HIBADH: variants seen among roughly 807,000 people sequenced by gnomAD.
The protein encoded by HIBADH is 3-hydroxyisobutyrate dehydrogenase.
A neutral mutation model predicts 36.1 loss-of-function variants in HIBADH; 25 were observed. The ratio of observed to expected loss-of-function variants is 0.69; its 90% confidence interval spans 0.50 to 0.97. The LOEUF (loss-of-function observed/expected upper bound fraction) is 0.97. Among genes scored for constraint, HIBADH ranks in the 50% least tolerant of loss-of-function variants. The probability of loss-of-function intolerance (pLI) is 0.00; values close to 1 mark genes in which losing one functional copy is unlikely to be tolerated. For synonymous variants in HIBADH, 160 were observed against 149.5 expected, an observed-to-expected ratio of 1.07 and a Z score of -0.51; for missense variants, 421 against 418.0, an observed-to-expected ratio of 1.01 and a Z score of -0.06.
Position 27,629,262 on chromosome 7 carries a change from T to C in HIBADH, c.484+109A>G. The C allele has an allele frequency of 3.7e-6, 4 of 1,067,056 alleles. No individual in the cohort carries two copies. In the South Asian group the frequency reaches 6.5e-5, roughly 17 times the overall value. The allele number at this position is 1,067,056 out of a possible 1,614,324, so 66.1% of individuals were successfully genotyped here. ...TTGGCTTTATTTTTAATGAGAATCCTGTAACAAGTCTAAAAATAACTACTA... is the reference window on the plus strand; with the variant it reads ...TTGGCTTTATTTTTAATGAGAATCCCGTAACAAGTCTAAAAATAACTACTA... On this transcript the variant is annotated intron_variant, in intron 4 of 7. Coordinates refer to ENST00000265395, the MANE Select transcript of HIBADH (RefSeq NM_152740.4).
At chr7:27,596,392 C>G (rs1404836486) in intron 4 of HIBADH, among the ~76,000 whole-genome samples, 1 of 152,214 alleles carries the variant, frequency 6.6e-6, no homozygotes, top group East Asian at 1.9e-4. Context: ...AATTAAGTTT[C>G]TAACACATGA....
chr7:27,645,385 T>TGTTTGTTTTGTTTTTG, intron 2 of HIBADH, among the ~76,000 whole-genome samples: 1 of 131,826 alleles, frequency 7.6e-6, no homozygotes, highest in African/African-American at 3.0e-5. Flanking sequence ...TTTTTTTTTT[T>TGTTTGTTTTGTTTTTG]TTTTTTTTTT....
At chr7:27,561,260 C>A (rs1784462811) in intron 4 of HIBADH, among the ~76,000 whole-genome samples, 2 of 152,088 alleles carry the variant, frequency 1.3e-5, no homozygotes, top group African/African-American at 2.4e-5. Context: ...AAATTCCACT[C>A]AAAACTTGCA....
At chr7:27,612,621 C>A (rs959854229) in intron 4 of HIBADH, among the ~76,000 whole-genome samples, 1 of 151,728 alleles carries the variant, frequency 6.6e-6, no homozygotes, top group African/African-American at 2.4e-5. Context: ...CCGCGCCCAG[C>A]CTGTAATCTC....
chr7:27,656,237 A>G (rs1786301744), intron 1 of HIBADH, among the ~76,000 whole-genome samples: 1 of 152,236 alleles, frequency 6.6e-6, no homozygotes, highest in Non-Finnish European at 1.5e-5. Flanking sequence ...GTGCCCAACT[A>G]TGGGCCATAG....
chr7:27,557,490 G>A (rs554484268), intron 4 of HIBADH, among the ~76,000 whole-genome samples: 63 of 152,104 alleles, frequency 4.1e-4, no homozygotes, highest in Non-Finnish European at 7.3e-4. Context: ...TCACAGACTG[G>A]GAAATTTATA....
intron 2 of HIBADH, among the ~76,000 whole-genome samples, chr7:27,642,454 G>A (rs1416969163): frequency 6.6e-6 from 1 of 152,076 alleles, no homozygotes; most frequent in Non-Finnish European, 1.5e-5. Context: ...AACTCAACCT[G>A]TTTTATTTCC....
In HIBADH at chr7:27,625,015, GA is replaced by G. The variant is rs1397854092; in HGVS notation, c.484+4355del. On this transcript the variant is annotated intron_variant, in intron 4 of 7. Coordinates refer to ENST00000265395, the MANE Select transcript of HIBADH (RefSeq NM_152740.4). ...ATCCAAATGTATATCACAATAGAAA[GA>G]AAAAATAGTGATGTATTTATATAGA... Among the ~76,000 whole-genome samples the G allele has an allele frequency of 5.9e-5, 9 of 152,152 alleles. No individual in the cohort carries two copies. In the East Asian group the frequency reaches 1.7e-3, roughly 29 times the overall value.
chr7:27,659,635 T>C (rs1447927257), intron 1 of HIBADH, among the ~76,000 whole-genome samples: 3 of 151,984 alleles, frequency 2.0e-5, no homozygotes, highest in Non-Finnish European at 4.4e-5. Flanking sequence ...GGCAGGGGGA[T>C]TGCTTGAGCC....
chr7:27,568,441 A>G lies in HIBADH; in HGVS notation c.485-25341T>C, dbSNP rs74792710. ...TTTTTTTTCTAGCTGATCTCAAACA[A>G]TTTTATTTCTTTAAATAGCCTTTTA... On this transcript the variant is annotated intron_variant, in intron 4 of 7. Coordinates refer to ENST00000265395, the MANE Select transcript of HIBADH (RefSeq NM_152740.4). Among the ~76,000 whole-genome samples the G allele has an allele frequency of 8.9e-3, 1,354 of 151,786 alleles. 20 individuals carry two copies. The highest frequency in any genetic ancestry group is 0.031 in the African/African-American group (1,285 of 41,392).
At chr7:27,586,300 A>C (rs1784860850) in intron 4 of HIBADH, among the ~76,000 whole-genome samples, 1 of 151,842 alleles carries the variant, frequency 6.6e-6, no homozygotes, top group Non-Finnish European at 1.5e-5. Flanking sequence ...ATATTACAAT[A>C]ATCCAGAGCA....
At chr7:27,530,996 A>G (rs1783989869) in intron 7 of HIBADH, among the ~76,000 whole-genome samples, 196 bp downstream of exon 7, 1 of 152,122 alleles carries the variant, frequency 6.6e-6, no homozygotes, top group African/African-American at 2.4e-5. Context: ...TTCTCAACCA[A>G]AAGGCCAGGA....
chr7:27,588,487 C>G (rs975890019), intron 4 of HIBADH, among the ~76,000 whole-genome samples: 1 of 151,950 alleles, frequency 6.6e-6, no homozygotes, highest in Non-Finnish European at 1.5e-5. Context: ...GCCACCACAC[C>G]CAGCTAAGAT....
chr7:27,632,345 C>T lies in HIBADH; in HGVS notation c.353G>A (p.Gly118Glu). The change falls in exon 3 of 8, where the codon GGG (glycine) becomes GAG (glutamate). Residue 118 changes from glycine to glutamate, a missense_variant. Gly to Glu is a moderately conservative substitution (Grantham distance 98). Transcript: ENST00000265395. ...NAIEAYSGANGILKKVKKGSL... is the reference protein window; with the variant it reads ...NAIEAYSGANEILKKVKKGSL... ...GGTGAGAAATACATACTTTAGAATC[C>T]CATTTGCTCCGGAATAAGCTTCTAT... The T allele has an allele frequency of 1.9e-6, 3 of 1,595,578 alleles. No individual in the cohort carries two copies. The highest frequency in any genetic ancestry group is 1.7e-6 in the Non-Finnish European group (2 of 1,163,822).
rs576677910 is a variant in HIBADH, at chr7:27,640,648, A to G, written c.253-8203T>C. Among the ~76,000 whole-genome samples, 3 of 152,200 alleles carry G rather than the reference A, an allele frequency of 2.0e-5. No homozygotes were observed. In the East Asian group the frequency reaches 5.8e-4, roughly 29 times the overall value. The stretch of plus-strand genomic sequence containing the variant: ...CCTTTTGGGCCTGAATAAACTCTAT[A>G]CCTAATCACAGTTTCTGAATCATTA... On this transcript the variant is annotated intron_variant, in intron 2 of 7. Transcript: ENST00000265395.
chr7:27,638,088 A>G lies in HIBADH; in HGVS notation c.253-5643T>C, dbSNP rs1261753862. ...AGAAAAAAACTATTTTAAAATTTAT[A>G]TGGAACCAAAAAAGGAGCTCAAATA... On this transcript the variant is annotated intron_variant, in intron 2 of 7. Transcript: ENST00000265395. 3.3e-5 allele frequency among the ~76,000 whole-genome samples: 5 copies of G among 152,098 alleles called. No individual in the cohort carries two copies. In the East Asian group the frequency reaches 7.7e-4, roughly 23 times the overall value.
At chr7:27,589,376 C>T (rs1205387158) in intron 4 of HIBADH, among the ~76,000 whole-genome samples, 1 of 152,106 alleles carries the variant, frequency 6.6e-6, no homozygotes, top group Non-Finnish European at 1.5e-5. Context: ...AACTATGCTG[C>T]TAGCTCTCAA....
At chr7:27,540,956 C>G (rs1334340495) in intron 5 of HIBADH, among the ~76,000 whole-genome samples, 1 of 152,124 alleles carries the variant, frequency 6.6e-6, no homozygotes, top group Non-Finnish European at 1.5e-5. Flanking sequence ...AAAAGACAGG[C>G]AGCTGGTATT....
chr7:27,577,373 T>C (rs1338950167), intron 4 of HIBADH, among the ~76,000 whole-genome samples: 1 of 152,028 alleles, frequency 6.6e-6, no homozygotes. Context: ...ATGTTGGCCA[T>C]GCTGGTCTTG....
Sources: allele counts gnomAD v4.1 joint callset (sites outside exome capture counted in the v4.1 genomes callset), GRCh38; gene constraint gnomAD v4.1.1; transcripts MANE v1.5; gene names NCBI Gene and HGNC (gene_info 2026-07-23, HGNC 2026-07-21).